CCDC175: variants seen among roughly 807,000 people sequenced by gnomAD.
CCDC175 encodes the protein coiled-coil domain-containing protein 175.
Under a neutral mutation model 114.6 loss-of-function variants are expected in CCDC175, and 100 were observed. The ratio of observed to expected loss-of-function variants is 0.87; its 90% CI spans 0.74 to 1.03. CCDC175 has a LOEUF of 1.03. CCDC175 is among the 50% of genes least tolerant of loss of function. CCDC175 has a pLI of 0.00. For synonymous variants in CCDC175, 306 were observed against 308.7 expected (o/e 0.99, Z 0.09); for missense variants, 880 against 917.8 (o/e 0.96, Z 0.53).
intron 14 of CCDC175, among the ~76,000 whole-genome samples, chr14:59,531,035 G>A (rs180736302): frequency 5.9e-5 from 9 of 151,960 alleles, no homozygotes; most frequent in Middle Eastern, 3.4e-3. Context: ...AGCACTTTGG[G>A]AGGCCAAGGC....
intron 7 of CCDC175, among the ~76,000 whole-genome samples, chr14:59,556,307 C>T (rs1424540465): frequency 6.6e-6 from 1 of 152,136 alleles, no homozygotes; most frequent in Admixed American, 6.5e-5. Context: ...AATAATACTA[C>T]ACATCTACAA....
chr14:59,544,189 G>A (rs950609711), intron 9 of CCDC175, among the ~76,000 whole-genome samples: 9 of 152,018 alleles, frequency 5.9e-5, no homozygotes, highest in African/African-American at 1.2e-4. Context: ...GTTTTGAGAC[G>A]GAGTCTGGCT....
At chr14:59,537,726 C>G (rs1894485593) in intron 13 of CCDC175, among the ~76,000 whole-genome samples, 1 of 152,178 alleles carries the variant, frequency 6.6e-6, no homozygotes, top group Admixed American at 6.5e-5. Flanking sequence ...CTTGCCCCAG[C>G]TATTTTCAAG....
At chr14:59,546,012 G>C (rs1021996082) in intron 8 of CCDC175, among the ~76,000 whole-genome samples, 12 of 152,162 alleles carry the variant, frequency 7.9e-5, no homozygotes, top group Non-Finnish European at 1.6e-4. Context: ...AAGGATACCT[G>C]TGCTCATGTT....
chr14:59,525,322 T>C lies in CCDC175; in HGVS notation c.1955A>G (p.Lys652Arg). Residue 652 changes from lysine to arginine, a missense_variant, in exon 16 of 20, where the codon AAA becomes AGA. Transcript: ENST00000537690. ...LENGFYINDQ[K>R]ADLLLLENKK... ...ATTTTCCAGGAGCAGAAGATCTGCT[T>C]TTTGGTCATTTATATAGAATCCATT... 1 of 1,468,578 alleles carries C rather than the reference T, an allele frequency of 6.8e-7. No individual in the cohort carries two copies. Among genetic ancestry groups the C allele is most frequent in the East Asian group, 2.6e-5 (1 of 38,154 alleles). The allele number at this position is 1,468,578 out of a possible 1,614,324, so 91.0% of individuals were successfully genotyped here.
At chr14:59,564,912 C>T in intron 5 of CCDC175, 135 bp downstream of exon 5, 2 of 654,210 alleles carry the variant, frequency 3.1e-6, no homozygotes. Flanking sequence ...TCCCGCTCAT[C>T]CCGTTTTCCC....
At chr14:59,552,157 G>A (rs1037246433) in intron 7 of CCDC175, among the ~76,000 whole-genome samples, 1 of 152,248 alleles carries the variant, frequency 6.6e-6, no homozygotes, top group Non-Finnish European at 1.5e-5. Context: ...TCTGAGAACA[G>A]ACAGACTGCC....
intron 7 of CCDC175, among the ~76,000 whole-genome samples, chr14:59,553,196 G>C (rs910508312): frequency 6.6e-5 from 10 of 152,196 alleles, no homozygotes; most frequent in African/African-American, 2.4e-4. Context: ...AGGAAAAAAT[G>C]TTAAGGGCAG....
At chr14:59,522,874 C>T (rs566242123) in intron 16 of CCDC175, among the ~76,000 whole-genome samples, 19 of 152,354 alleles carry the variant, frequency 1.2e-4, no homozygotes, top group African/African-American at 4.3e-4. Flanking sequence ...ATCTCTTCAG[C>T]TAGACCATGA....
chr14:59,518,013 G>A (rs1000188074), intron 17 of CCDC175, among the ~76,000 whole-genome samples: 34 of 152,182 alleles, frequency 2.2e-4, no homozygotes, highest in Admixed American at 1.9e-3. Flanking sequence ...CAGAAATAAT[G>A]CCGCATATCT....
At chr14:59,536,596 T>G (rs553655767) in intron 13 of CCDC175, among the ~76,000 whole-genome samples, 61 of 151,818 alleles carry the variant, frequency 4.0e-4, no homozygotes, top group African/African-American at 1.4e-3. Flanking sequence ...ATTGTAGTCA[T>G]TTGTGTCATC....
At chr14:59,531,978 A>G (rs1356727229) in intron 13 of CCDC175, 68 bp from the exon 14 acceptor site, 4 of 796,810 alleles carry the variant, frequency 5.0e-6, no homozygotes, top group Non-Finnish European at 7.7e-6. Flanking sequence ...TTAAAGTAGA[A>G]TATAAGTTTT....
At chr14:59,526,049 T>C (rs949996162) in intron 15 of CCDC175, among the ~76,000 whole-genome samples, 2 of 152,166 alleles carry the variant, frequency 1.3e-5, no homozygotes, top group Non-Finnish European at 2.9e-5. Flanking sequence ...GGGAAATGTA[T>C]TGAGGCTTTT....
In CCDC175 at chr14:59,538,657, T is replaced by C. The variant is rs1256310615; in HGVS notation, c.1491+48A>G. 2.2e-6 allele frequency: 3 copies of C among 1,382,926 alleles called. No homozygotes were observed. In the Admixed American group the frequency reaches 8.0e-5, roughly 37 times the overall value. 85.7% of individuals were successfully genotyped at this position (1,382,926 alleles called of 1,614,324 possible). On this transcript the variant is annotated intron_variant, in intron 12 of 19. Coordinates refer to ENST00000537690, the MANE Select transcript of CCDC175 (RefSeq NM_001164399.2). ...TAATTAAATATTAAAGGAGAATTGC[T>C]GATATGCAATGTAGGGGACTAATTC...
intron 17 of CCDC175, among the ~76,000 whole-genome samples, chr14:59,513,487 C>T (rs1594977148): frequency 6.6e-6 from 1 of 152,342 alleles, no homozygotes; most frequent in East Asian, 1.9e-4. Context: ...GCTTTTCCAA[C>T]TGTCTTAGCA....
chr14:59,570,873 G>T (rs1896811293), intron 3 of CCDC175, among the ~76,000 whole-genome samples: 1 of 152,096 alleles, frequency 6.6e-6, no homozygotes, highest in African/African-American at 2.4e-5. Flanking sequence ...TGAGTAGCGG[G>T]GACTACAGGC....
At chr14:59,572,898 C>T (rs1896915584) in intron 2 of CCDC175, 85 bp from the exon 3 acceptor site, 2 of 711,990 alleles carry the variant, frequency 2.8e-6, no homozygotes, top group Non-Finnish European at 4.3e-6. Flanking sequence ...CAAATGTTTT[C>T]AGGGGTCAAA....
At position 59,538,849 on chromosome 14, in the gene CCDC175, T is replaced by C. The variant is rs1300247143; in HGVS notation, c.1356-9A>G. The C allele has an allele frequency of 4.0e-6, 6 of 1,518,848 alleles. No individual in the cohort carries two copies. The highest frequency in any genetic ancestry group is 2.5e-5 in the South Asian group (2 of 79,738). 94.1% of individuals were successfully genotyped at this position (1,518,848 alleles called of 1,614,324 possible). A position where few individuals can be genotyped will look rare whatever the true frequency, so the allele number is the denominator to read the frequency against. ...TCCACTGAGTTATAACACTAGAGAT[T>C]AGAGCAAAAAGAATTGCCATTAAAT... On this transcript the variant is annotated splice_polypyrimidine_tract_variant and intron_variant, in intron 11 of 19. Coordinates refer to ENST00000537690, the MANE Select transcript of CCDC175 (RefSeq NM_001164399.2).
In CCDC175 at chr14:59,538,946, G is replaced by A; in HGVS notation, c.1356-106C>T. The A allele has an allele frequency of 7.8e-6, 8 of 1,028,546 alleles. No individual in the cohort carries two copies. In the South Asian group the frequency reaches 1.2e-4, roughly 16 times the overall value. 63.7% of individuals were successfully genotyped at this position (1,028,546 alleles called of 1,614,324 possible). A position where few individuals can be genotyped will look rare whatever the true frequency, so the allele number is the denominator to read the frequency against. On this transcript the variant is annotated intron_variant, in intron 11 of 19. Coordinates refer to ENST00000537690, the MANE Select transcript of CCDC175 (RefSeq NM_001164399.2). Reference sequence around the variant, plus strand: ...AGTCATACTATGACTACACAAAATTGTTTGTGCTATTAGTGTTGCAGACTA... The same window carrying A: ...AGTCATACTATGACTACACAAAATTATTTGTGCTATTAGTGTTGCAGACTA...
Sources: gnomAD v4.1 joint callset for allele counts (sites outside exome capture counted in the v4.1 genomes callset) on GRCh38, gnomAD v4.1.1 for gene constraint, MANE v1.5 for transcripts, NCBI Gene and HGNC (gene_info 2026-07-23, HGNC 2026-07-21) for gene names.